Variants in LMBR1 observed in about 807,000 individuals in gnomAD.
LMBR1 encodes the protein limb region 1 protein homolog.
LMBR1 carries 52 observed loss-of-function variants against 73.9 expected under a neutral mutation model. That is an observed-to-expected ratio of 0.70 (90% CI 0.56 to 0.89). The LOEUF is 0.89. LMBR1 is among the 40% of genes least tolerant of loss of function. LMBR1 has a pLI of 0.00. For synonymous variants in LMBR1, 215 were observed against 209.4 expected (o/e 1.03, Z -0.23); for missense variants, 539 against 579.8 (o/e 0.93, Z 0.72).
intron 5 of LMBR1, among the ~76,000 whole-genome samples, chr7:156,785,377 T>C (rs927210266): frequency 6.6e-6 from 1 of 152,072 alleles, no homozygotes; most frequent in African/African-American, 2.4e-5. Context: ...GAAAATGCAA[T>C]AGAAGGCAAG....
rs1029540036 is a variant in LMBR1 at position 156,680,178 on chromosome 7, T to C, written c.*3900A>G. The C allele has an allele frequency of 2.6e-5, 4 of 151,820 alleles. No individual in the cohort carries two copies. The highest frequency in any genetic ancestry group is 5.9e-5 in the Non-Finnish European group (4 of 67,970). 9.4% of individuals were successfully genotyped at this position (151,820 alleles called of 1,614,324 possible). A position where few individuals can be genotyped will look rare whatever the true frequency, so the allele number is the denominator to read the frequency against. ...AAAAAAAAAACTCCAAAAAGGTCTT[T>C]GTATTATTTCTTCTTTTAAACCACA... On this transcript the variant is annotated 3_prime_UTR_variant, in exon 17 of 17. Transcript: ENST00000353442.
At chr7:156,842,096 A>C (rs1162622945) in intron 1 of LMBR1, among the ~76,000 whole-genome samples, 3 of 150,972 alleles carry the variant, frequency 2.0e-5, no homozygotes, top group African/African-American at 7.3e-5. Flanking sequence ...ACATGACTAC[A>C]TTTTTTGATG....
downstream of LMBR1, chr7:156,676,887 A>G: frequency 2.1e-6 from 1 of 486,880 alleles, no homozygotes; most frequent in Non-Finnish European, 3.7e-6. Context: ...CACTTCAAAT[A>G]TGAATAGCAA....
chr7:156,886,019 GAC>G (rs1423885590), intron 1 of LMBR1, among the ~76,000 whole-genome samples: 4 of 148,664 alleles, frequency 2.7e-5, no homozygotes, highest in Non-Finnish European at 4.4e-5. Context: ...CAGCCTGGGT[GAC>G]AGAGTGAGAC....
Position 156,892,711 on chromosome 7 carries a change from A to C in LMBR1, c.66+217T>G, listed in dbSNP as rs1326200333. On this transcript the variant is annotated intron_variant, in intron 1 of 16. Transcript: ENST00000353442. ...GCAAGAGCGGAGCGGGGGGGCAGGC[A>C]GAGGAAGCGAAGGGGAGGGGAGGGG... is the stretch of plus-strand genomic sequence containing the variant. 73 of 304,190 alleles carry C rather than the reference A, an allele frequency of 2.4e-4. 1 individual carries two copies. The highest frequency in any genetic ancestry group is 1.4e-3 in the African/African-American group (57 of 40,606). 18.8% of individuals were successfully genotyped at this position (304,190 alleles called of 1,614,324 possible).
chr7:156,892,678 C>T, intron 1 of LMBR1: 1 of 322,002 alleles, frequency 3.1e-6, no homozygotes, highest in Non-Finnish European at 5.6e-6. Flanking sequence ...CGCGAGGGGG[C>T]AGGGGAGGCA....
chr7:156,826,652 A>G lies in LMBR1; in HGVS notation c.272T>C (p.Phe91Ser). The change falls in exon 4 of 17, where the codon TTT becomes TCT. Residue 91 changes from phenylalanine (F) to serine (S), a missense_variant. Coordinates refer to ENST00000353442, the MANE Select transcript of LMBR1 (RefSeq NM_022458.4). ...CCACTGAATATAGTAGTTCTGAGGA[A>G]AAGAAAGCAGGATTTCATTGCTGAT... ...SIISNEILLS[F>S]PQNYYIQWLN... 6.2e-7 allele frequency: 1 copy of G among 1,602,016 alleles called. No individual in the cohort carries two copies. The highest frequency in any genetic ancestry group is 8.5e-7 in the Non-Finnish European group (1 of 1,173,226).
chr7:156,786,242 A>G (rs1165718538), intron 5 of LMBR1, among the ~76,000 whole-genome samples: 5 of 139,396 alleles, frequency 3.6e-5, no homozygotes, highest in African/African-American at 1.3e-4. Flanking sequence ...AGGAGGAAGG[A>G]GGAAGGAGGA....
At chr7:156,786,853 C>G (rs2133260204) in intron 5 of LMBR1, among the ~76,000 whole-genome samples, 1 of 152,088 alleles carries the variant, frequency 6.6e-6, no homozygotes, top group African/African-American at 2.4e-5. Context: ...TTTCTAAAAC[C>G]AGCCTTAATT....
At chr7:156,744,960 C>G (rs1447471320) in intron 9 of LMBR1, among the ~76,000 whole-genome samples, 1 of 152,084 alleles carries the variant, frequency 6.6e-6, no homozygotes, top group Admixed American at 6.6e-5. Context: ...CTTCTCTGAC[C>G]ATCTCAGCCT....
At chr7:156,712,825 G>T (rs1812359722) in intron 15 of LMBR1, among the ~76,000 whole-genome samples, 1 of 152,150 alleles carries the variant, frequency 6.6e-6, no homozygotes, top group South Asian at 2.1e-4. Flanking sequence ...TGGATGTAGG[G>T]TGCAGAATGA....
At position 156,893,124 on chromosome 7, in the gene LMBR1, A is replaced by G. The variant is rs1278645115; in HGVS notation, c.-131T>C. On this transcript the variant is annotated 5_prime_UTR_variant, in exon 1 of 17. Coordinates refer to ENST00000353442, the MANE Select transcript of LMBR1 (RefSeq NM_022458.4). ...ACGGGCCCGCGAGCCGTGTTGGAAC[A>G]GGTACCGCGACCACGACACCGGCCG... is the stretch of plus-strand genomic sequence containing the variant. 2.3e-6 allele frequency: 2 copies of G among 867,580 alleles called. No individual in the cohort carries two copies. The highest frequency in any genetic ancestry group is 3.1e-6 in the Non-Finnish European group (2 of 646,150). 53.7% of individuals were successfully genotyped at this position (867,580 alleles called of 1,614,324 possible).
chr7:156,842,661 T>A (rs991977407), intron 1 of LMBR1, among the ~76,000 whole-genome samples: 11 of 152,188 alleles, frequency 7.2e-5, no homozygotes, highest in Non-Finnish European at 1.2e-4. Flanking sequence ...TTAATTCCTA[T>A]TCCAGAAGGA....
At chr7:156,790,099 TA>T (rs1316989001) in intron 5 of LMBR1, among the ~76,000 whole-genome samples, 14 of 152,168 alleles carry the variant, frequency 9.2e-5, no homozygotes, top group Admixed American at 5.9e-4. Flanking sequence ...CCTATTTTTT[TA>T]CAACCTATAC....
At chr7:156,844,090 C>T (rs1048767229) in intron 1 of LMBR1, among the ~76,000 whole-genome samples, 2 of 151,680 alleles carry the variant, frequency 1.3e-5, no homozygotes, top group African/African-American at 4.8e-5. Context: ...TTTGGGAGGC[C>T]GAGGTGGGTG....
intron 9 of LMBR1, among the ~76,000 whole-genome samples, chr7:156,755,951 T>C (rs10488060): frequency 0.11 from 16,659 of 152,254 alleles, 956 homozygotes; most frequent in East Asian, 0.15. Flanking sequence ...TCGTTATTAA[T>C]TATCTGATCT....
At chr7:156,754,685 G>C (rs1285799978) in intron 9 of LMBR1, among the ~76,000 whole-genome samples, 1 of 151,932 alleles carries the variant, frequency 6.6e-6, no homozygotes, top group Non-Finnish European at 1.5e-5. Context: ...AAACACACTA[G>C]TCATAATACT....
intron 15 of LMBR1, among the ~76,000 whole-genome samples, chr7:156,712,011 T>C (rs1003711280): frequency 6.6e-5 from 10 of 152,146 alleles, no homozygotes; most frequent in Admixed American, 5.9e-4. Context: ...GGAACTTAAT[T>C]AAACTAAAAA....
chr7:156,757,660 A>C (rs1460851509), intron 8 of LMBR1, among the ~76,000 whole-genome samples: 1 of 152,242 alleles, frequency 6.6e-6, no homozygotes, highest in Admixed American at 6.5e-5. Context: ...CTCAGCAAAA[A>C]AAATAAATTG....
Sources: gnomAD v4.1 joint callset for allele counts (sites outside exome capture counted in the v4.1 genomes callset) on GRCh38, gnomAD v4.1.1 for gene constraint, MANE v1.5 for transcripts, NCBI Gene and HGNC (gene_info 2026-07-23, HGNC 2026-07-21) for gene names.